Variants in RAB38 observed in about 807,000 individuals in gnomAD.
RAB38 encodes the protein ras-related protein Rab-38.
Under a neutral mutation model 18.4 loss-of-function variants are expected in RAB38, and 15 were observed. The observed-to-expected ratio is 0.82, with a 90% CI of 0.55 to 1.26. The LOEUF (loss-of-function observed/expected upper bound fraction) is 1.26, where lower values mean the gene tolerates loss of function less well. Among genes scored for constraint, RAB38 ranks in the 50% most tolerant of loss-of-function variants. The pLI, the probability that RAB38 is intolerant of heterozygous loss-of-function variation, is 0.00. For missense variants in RAB38, 294 were observed against 267.4 expected, an observed-to-expected ratio of 1.10 and a Z score of -0.69; for synonymous variants, 101 against 104.4, an observed-to-expected ratio of 0.97 and a Z score of 0.20.
intron 1 of RAB38, among the ~76,000 whole-genome samples, chr11:88,153,750 G>A (rs1184216602): frequency 6.6e-6 from 1 of 152,208 alleles, no homozygotes; most frequent in African/African-American, 2.4e-5. Context: ...CAGAGATCAG[G>A]AATTTGTATT....
the RAB38 span, among the ~76,000 whole-genome samples, chr11:87,839,120 T>A: frequency 2.0e-5 from 3 of 152,214 alleles, no homozygotes; most frequent in African/African-American, 7.2e-5. Flanking sequence ...CGAAAGATCC[T>A]TTATTTAATG....
chr11:87,955,299 T>C, the RAB38 span, among the ~76,000 whole-genome samples: 1 of 152,228 alleles, frequency 6.6e-6, no homozygotes, highest in Non-Finnish European at 1.5e-5. Flanking sequence ...CAAGTGAGAA[T>C]ATTTATCAAA....
intron 1 of RAB38, among the ~76,000 whole-genome samples, chr11:88,151,792 C>T (rs1479105157): frequency 1.3e-5 from 2 of 152,142 alleles, no homozygotes; most frequent in Non-Finnish European, 2.9e-5. Context: ...GTAAGAGAAG[C>T]CTCTCTAAAC....
chr11:87,925,448 T>C, the RAB38 span, among the ~76,000 whole-genome samples: 1 of 152,070 alleles, frequency 6.6e-6, no homozygotes, highest in African/African-American at 2.4e-5. Context: ...TACACTATAA[T>C]TGTTTTTCTA....
the RAB38 span, among the ~76,000 whole-genome samples, chr11:87,948,368 C>G: frequency 6.6e-6 from 1 of 152,108 alleles, no homozygotes; most frequent in African/African-American, 2.4e-5. Context: ...TCCTCTTTTC[C>G]TAACTGAATA....
chr11:88,011,980 C>T, the RAB38 span, among the ~76,000 whole-genome samples: 1 of 152,166 alleles, frequency 6.6e-6, no homozygotes. Context: ...ATGGGGCACA[C>T]TCACTCTCTC....
At chr11:88,038,353 G>C in the RAB38 span, among the ~76,000 whole-genome samples, 1 of 152,086 alleles carries the variant, frequency 6.6e-6, no homozygotes, top group Non-Finnish European at 1.5e-5. Flanking sequence ...AGACCACATC[G>C]CAATTGCAAT....
the RAB38 span, among the ~76,000 whole-genome samples, chr11:88,075,640 G>T: frequency 1.3e-5 from 2 of 152,170 alleles, no homozygotes; most frequent in Non-Finnish European, 2.9e-5. Flanking sequence ...TAACACTTTG[G>T]AAAGTCAAGC....
At chr11:87,910,278 T>C in the RAB38 span, among the ~76,000 whole-genome samples, 8 of 152,142 alleles carry the variant, frequency 5.3e-5, no homozygotes, top group African/African-American at 1.9e-4. Context: ...TGGAATGTAT[T>C]ATCAAATCTT....
At chr11:87,959,605 A>G in the RAB38 span, among the ~76,000 whole-genome samples, 1 of 152,202 alleles carries the variant, frequency 6.6e-6, no homozygotes, top group African/African-American at 2.4e-5. Context: ...CAGCTCATAG[A>G]CGCATTCTCC....
the RAB38 span, among the ~76,000 whole-genome samples, chr11:87,909,887 T>G: frequency 6.6e-6 from 1 of 152,124 alleles, no homozygotes; most frequent in Non-Finnish European, 1.5e-5. Flanking sequence ...TTACAAATCT[T>G]TATATAAACA....
chr11:87,936,598 AT>A, the RAB38 span, among the ~76,000 whole-genome samples: 1 of 152,098 alleles, frequency 6.6e-6, no homozygotes, highest in Non-Finnish European at 1.5e-5. Context: ...AAGTTTTGAA[AT>A]TTGGGTAGAT....
chr11:87,887,447 A>AT, the RAB38 span, among the ~76,000 whole-genome samples: 95,816 of 151,818 alleles, frequency 0.63, 32,832 homozygotes, highest in Non-Finnish European at 0.77. Flanking sequence ...TGCAGAAAAT[A>AT]TTTGAAAAGC....
the RAB38 span, among the ~76,000 whole-genome samples, chr11:88,073,075 A>G: frequency 6.6e-6 from 1 of 152,184 alleles, no homozygotes; most frequent in Non-Finnish European, 1.5e-5. Context: ...TGGTTTATAC[A>G]CTACAAAAAG....
At chr11:87,880,501 G>A in the RAB38 span, among the ~76,000 whole-genome samples, 2 of 151,798 alleles carry the variant, frequency 1.3e-5, no homozygotes, top group African/African-American at 2.4e-5. Flanking sequence ...AAATCACATT[G>A]TGCTATGTTA....
chr11:88,118,921 T>C (rs1163973401), intron 2 of RAB38, among the ~76,000 whole-genome samples: 1 of 152,186 alleles, frequency 6.6e-6, no homozygotes, highest in East Asian at 1.9e-4. Context: ...GTAATGGTCA[T>C]ATTTTAAAGG....
the RAB38 span, among the ~76,000 whole-genome samples, chr11:88,041,465 G>A: frequency 1.9e-4 from 29 of 152,258 alleles, no homozygotes; most frequent in Non-Finnish European, 3.2e-4. Context: ...TTTGTTACAC[G>A]TTTTACCCAA....
chr11:88,020,216 A>G, the RAB38 span, among the ~76,000 whole-genome samples: 1 of 152,214 alleles, frequency 6.6e-6, no homozygotes, highest in African/African-American at 2.4e-5. Context: ...TACAAGAAAC[A>G]CACTTCACCA....
the RAB38 span, among the ~76,000 whole-genome samples, chr11:87,958,571 C>T: frequency 6.6e-6 from 1 of 152,158 alleles, no homozygotes; most frequent in East Asian, 1.9e-4. Flanking sequence ...CCATTTCCAG[C>T]TTCTAGTGTC....
Sources: gnomAD v4.1 joint callset for allele counts (sites outside exome capture counted in the v4.1 genomes callset) on GRCh38, gnomAD v4.1.1 for gene constraint, MANE v1.5 for transcripts, NCBI Gene and HGNC (gene_info 2026-07-23, HGNC 2026-07-21) for gene names.